The following PRKG1 variants were observed in gnomAD, a reference collection of about 807,000 sequenced individuals.
PRKG1 encodes the protein protein kinase cGMP-dependent 1.
PRKG1 carries 35 observed loss-of-function variants against 88.1 expected under a neutral mutation model. The observed-to-expected ratio is 0.40, with a 90% CI of 0.30 to 0.53. The LOEUF (loss-of-function observed/expected upper bound fraction) is 0.53, where lower values mean the gene tolerates loss of function less well. Among genes scored for constraint, PRKG1 ranks in the 20% least tolerant of loss-of-function variants. PRKG1 has a pLI of 0.59. For synonymous variants in PRKG1, 303 were observed against 292.5 expected (o/e 1.04, Z -0.37); for missense variants, 540 against 839.8 (o/e 0.64, Z 4.41).
chr10:51,658,756 C>G (rs1840223535), intron 3 of PRKG1, among the ~76,000 whole-genome samples: 1 of 152,010 alleles, frequency 6.6e-6, no homozygotes, highest in Admixed American at 6.6e-5. Context: ...GCGGTTTTCA[C>G]TTTTATTTTT....
At chr10:51,937,381 G>T (rs1842819115) in intron 5 of PRKG1, among the ~76,000 whole-genome samples, 1 of 152,020 alleles carries the variant, frequency 6.6e-6, no homozygotes, top group Admixed American at 6.6e-5. Flanking sequence ...TGTTTTGAAT[G>T]TTTAACCTAA....
chr10:51,670,138 TTTTG>T (rs1356895864), intron 3 of PRKG1, among the ~76,000 whole-genome samples: 17 of 152,228 alleles, frequency 1.1e-4, no homozygotes, highest in African/African-American at 4.1e-4. Context: ...TCTCTGTTAT[TTTTG>T]TTTGTTTGTT....
chr10:52,132,028 A>G (rs922409725), intron 7 of PRKG1, among the ~76,000 whole-genome samples: 2 of 151,950 alleles, frequency 1.3e-5, no homozygotes, highest in Non-Finnish European at 2.9e-5. Flanking sequence ...GAAACAAATG[A>G]AAAGGAAAGT....
chr10:51,054,242 G>C (rs1348652127), intron 1 of PRKG1, among the ~76,000 whole-genome samples: 1 of 152,020 alleles, frequency 6.6e-6, no homozygotes, highest in African/African-American at 2.4e-5. Context: ...CTAGCTCTGA[G>C]GAATGTGTTC....
intron 2 of PRKG1, among the ~76,000 whole-genome samples, chr10:51,298,769 A>T (rs1246048361): frequency 6.6e-6 from 1 of 152,182 alleles, no homozygotes; most frequent in African/African-American, 2.4e-5. Flanking sequence ...GAGTAAAATA[A>T]ATCTACAATT....
intron 3 of PRKG1, among the ~76,000 whole-genome samples, chr10:51,654,984 T>C (rs1717212282): frequency 6.6e-6 from 1 of 152,212 alleles, no homozygotes; most frequent in Admixed American, 6.5e-5. Context: ...CAGCCCAGTT[T>C]AGAATTTCTG....
rs111506279 is a variant in PRKG1 at position 51,314,848 on chromosome 10, A to T, written c.479-152875A>T. On this transcript the variant is annotated intron_variant, in intron 2 of 17. Coordinates refer to ENST00000373980, the MANE Select transcript of PRKG1 (RefSeq NM_006258.4). ...GGAAAAGGCCATTTAAGTTTACAAC[A>T]TGAGAGAGCTAGCAGGCCCTCATCA... Among the ~76,000 whole-genome samples, 491 of 152,326 alleles carry T rather than the reference A, an allele frequency of 3.2e-3. 3 individuals are homozygous for T. Among genetic ancestry groups the T allele is most frequent in the African/African-American group, 0.011 (445 of 41,584 alleles).
At chr10:52,068,701 A>G (rs927025858) in intron 7 of PRKG1, among the ~76,000 whole-genome samples, 23 of 152,186 alleles carry the variant, frequency 1.5e-4, no homozygotes, top group Non-Finnish European at 2.8e-4. Flanking sequence ...TCATCATATC[A>G]TCATACCAGC....
At chr10:51,773,997 G>A (rs1406720761) in intron 3 of PRKG1, among the ~76,000 whole-genome samples, 1 of 152,064 alleles carries the variant, frequency 6.6e-6, no homozygotes, top group African/African-American at 2.4e-5. Flanking sequence ...TAGAAGGGGA[G>A]CCAATATTTG....
intron 1 of PRKG1, among the ~76,000 whole-genome samples, chr10:51,068,098 T>TA (rs1043993652): frequency 4.6e-5 from 7 of 152,076 alleles, no homozygotes. Context: ...TCAAGAATAA[T>TA]ACGTGGCAAT....
chr10:51,392,807 G>A (rs1220988470), intron 2 of PRKG1, among the ~76,000 whole-genome samples: 1 of 148,232 alleles, frequency 6.7e-6, no homozygotes, highest in Non-Finnish European at 1.5e-5. Flanking sequence ...GGCCGGGCGG[G>A]GGGCTGACCC....
chr10:51,355,775 AT>A (rs1307616797), intron 2 of PRKG1, among the ~76,000 whole-genome samples: 4 of 152,002 alleles, frequency 2.6e-5, no homozygotes, highest in African/African-American at 9.7e-5. Flanking sequence ...ATTGCCTAGG[AT>A]TTTTAATGTG....
rs11591495 is a variant in PRKG1 at position 51,970,050 on chromosome 10, A to C, written c.762+62480A>C. Among the ~76,000 whole-genome samples the C allele has an allele frequency of 8.8e-4, 118 of 133,510 alleles. 1 individual carries two copies. Among genetic ancestry groups the C allele is most frequent in the African/African-American group, 1.4e-3 (43 of 31,720 alleles). The allele number at this position is 133,510 out of a possible 152,430, so 87.6% of individuals were successfully genotyped here. The stretch of plus-strand genomic sequence containing the variant: ...CACACACACACACACACACACACAC[A>C]CCCATATTTATTTATATATTTTTCT... On this transcript the variant is annotated intron_variant, in intron 5 of 17. Transcript: ENST00000373980.
chr10:51,562,223 C>CAAAAAAAA (rs35433028), intron 3 of PRKG1, among the ~76,000 whole-genome samples: 1 of 146,280 alleles, frequency 6.8e-6, no homozygotes, highest in Non-Finnish European at 1.5e-5. Context: ...GACTCCATCT[C>CAAAAAAAA]AAAAAAAAAA....
intron 2 of PRKG1, among the ~76,000 whole-genome samples, chr10:51,304,809 G>A (rs1420487677): frequency 6.6e-6 from 1 of 151,926 alleles, no homozygotes; most frequent in Non-Finnish European, 1.5e-5. Flanking sequence ...CAAAGGACAT[G>A]AAATCATCAT....
chr10:51,791,753 T>C lies in PRKG1; in HGVS notation c.593-12832T>C, dbSNP rs569742503. ...CAGACATTTAGAGGGGGAAAAATTC[T>C]AGTTGAAGTGAATGGGAAAGTCTTC... On this transcript the variant is annotated intron_variant, in intron 3 of 17. Coordinates refer to ENST00000373980, the MANE Select transcript of PRKG1 (RefSeq NM_006258.4). 2.1e-4 allele frequency among the ~76,000 whole-genome samples: 32 copies of C among 152,206 alleles called. No individual in the cohort carries two copies. In the South Asian group the frequency reaches 6.2e-3, roughly 30 times the overall value.
intron 1 of PRKG1, among the ~76,000 whole-genome samples, chr10:51,120,033 T>C (rs761759182): frequency 1.3e-5 from 2 of 152,142 alleles, no homozygotes; most frequent in Non-Finnish European, 2.9e-5. Context: ...ACTTTCAAAT[T>C]TCCCTTTTGC....
chr10:51,938,509 A>AT (rs1419540277), intron 5 of PRKG1, among the ~76,000 whole-genome samples: 1 of 152,024 alleles, frequency 6.6e-6, no homozygotes, highest in African/African-American at 2.4e-5. Flanking sequence ...TTAAGAGGGC[A>AT]TTAATGTCAT....
intron 2 of PRKG1, among the ~76,000 whole-genome samples, chr10:51,252,574 TAGTG>T (rs1839454790): frequency 6.6e-6 from 1 of 150,608 alleles, no homozygotes; most frequent in Non-Finnish European, 1.5e-5. Flanking sequence ...TTTCATGAAA[TAGTG>T]AGAGTTTGGA....
Sources: gnomAD v4.1 joint callset for allele counts (sites outside exome capture counted in the v4.1 genomes callset) on GRCh38, gnomAD v4.1.1 for gene constraint, MANE v1.5 for transcripts, NCBI Gene and HGNC (gene_info 2026-07-23, HGNC 2026-07-21) for gene names.